The following ZRANB3 variants were observed in gnomAD, a reference collection of about 807,000 sequenced individuals.
ZRANB3 encodes the protein zinc finger RANBP2-type containing 3.
In ZRANB3, 125 loss-of-function variants were observed where a neutral mutation model predicts 133.8. That is an observed-to-expected ratio of 0.93 (90% CI 0.81 to 1.08). The LOEUF (loss-of-function observed/expected upper bound fraction) is 1.08. Among genes scored for constraint, ZRANB3 ranks in the 50% least tolerant of loss-of-function variants. The pLI, the probability that ZRANB3 is intolerant of heterozygous loss-of-function variation, is 0.00. For missense variants in ZRANB3, 1,229 were observed against 1,275.5 expected (o/e 0.96, Z 0.56); for synonymous variants, 387 against 432.7 (o/e 0.89, Z 1.31).
chr2:135,200,764 T>G (rs1362845891), intron 20 of ZRANB3, among the ~76,000 whole-genome samples: 8 of 151,406 alleles, frequency 5.3e-5, no homozygotes, highest in Admixed American at 5.3e-4. Flanking sequence ...TTTTTTTTTT[T>G]TTTTTTTTTG....
intron 17 of ZRANB3, among the ~76,000 whole-genome samples, chr2:135,210,053 C>G (rs755014887): frequency 1.8e-4 from 28 of 152,038 alleles, no homozygotes; most frequent in Non-Finnish European, 3.4e-4. Flanking sequence ...TTCCCCTCCC[C>G]AAAAGTTACC....
At chr2:135,328,981 T>A (rs1239422040) in intron 6 of ZRANB3, among the ~76,000 whole-genome samples, 1 of 152,226 alleles carries the variant, frequency 6.6e-6, no homozygotes, top group East Asian at 1.9e-4. Context: ...ATGGGTAAAT[T>A]GCAAAAATTT....
At chr2:135,350,358 C>T in intron 4 of ZRANB3, 143 bp from the exon 5 acceptor site, 1 of 593,352 alleles carries the variant, frequency 1.7e-6, no homozygotes, top group Non-Finnish European at 2.7e-6. Flanking sequence ...TACTGAAACT[C>T]TGAAGATTTC....
At chr2:135,347,679 T>C (rs1685005455) in intron 5 of ZRANB3, among the ~76,000 whole-genome samples, 1 of 152,202 alleles carries the variant, frequency 6.6e-6, no homozygotes. Context: ...GTGACTTCAG[T>C]GCTTTATATC....
chr2:135,428,732 G>A (rs190431032), intron 2 of ZRANB3, among the ~76,000 whole-genome samples: 11 of 152,250 alleles, frequency 7.2e-5, no homozygotes, highest in African/African-American at 2.4e-4. Context: ...CAAAGGCCAC[G>A]AACAGACACT....
intron 3 of ZRANB3, among the ~76,000 whole-genome samples, chr2:135,386,670 G>A (rs1367925939): frequency 1.3e-5 from 2 of 152,148 alleles, no homozygotes; most frequent in Non-Finnish European, 2.9e-5. Context: ...CCATAAAAAA[G>A]GATAAGTTCG....
chr2:135,217,535 GCTGT>G lies in ZRANB3; in HGVS notation c.2421_2424del (p.Gln808TyrfsTer26). Reference sequence around the variant, plus strand: ...AAAGCAAGAATTGGGCTACAGAATAGCTGTCCACTTTTCCTGATTATCCTTTGCT... The same window carrying G: ...AAAGCAAGAATTGGGCTACAGAATAGCCACTTTTCCTGATTATCCTTTGCT... On this transcript the variant is annotated frameshift_variant, in exon 17 of 21. Coordinates refer to ENST00000264159, the MANE Select transcript of ZRANB3 (RefSeq NM_032143.4). LOFTEE classifies it high-confidence loss of function. 2.5e-6 allele frequency: 4 copies of G among 1,613,734 alleles called. No homozygotes were observed. The highest frequency in any genetic ancestry group is 3.4e-6 in the Non-Finnish European group (4 of 1,179,814).
intron 2 of ZRANB3, among the ~76,000 whole-genome samples, chr2:135,406,656 G>C (rs568982722): frequency 1.3e-5 from 2 of 152,288 alleles, no homozygotes; most frequent in South Asian, 4.1e-4. Context: ...GGGATGCAAG[G>C]TTGGTTCAAC....
intron 2 of ZRANB3, among the ~76,000 whole-genome samples, chr2:135,395,885 C>T (rs1053049133): frequency 9.9e-5 from 15 of 152,098 alleles, no homozygotes; most frequent in African/African-American, 2.9e-4. Flanking sequence ...AGAGACAACC[C>T]ACAGAATGGG....
At chr2:135,510,142 T>C (rs1239408760) in intron 1 of ZRANB3, among the ~76,000 whole-genome samples, 2 of 152,174 alleles carry the variant, frequency 1.3e-5, no homozygotes, top group Non-Finnish European at 2.9e-5. Context: ...TCACAGGCTT[T>C]TGAAACACAC....
chr2:135,401,598 G>C (rs1424040830), intron 2 of ZRANB3, among the ~76,000 whole-genome samples: 1 of 152,198 alleles, frequency 6.6e-6, no homozygotes, highest in Non-Finnish European at 1.5e-5. Context: ...TAACTAGGTG[G>C]TGATTCTGAG....
intron 2 of ZRANB3, among the ~76,000 whole-genome samples, chr2:135,393,240 A>C (rs1485001850): frequency 6.6e-6 from 1 of 152,176 alleles, no homozygotes; most frequent in Non-Finnish European, 1.5e-5. Context: ...AAGAGTAAAA[A>C]ATTTATTACA....
chr2:135,365,628 G>T (rs527419824), intron 3 of ZRANB3, among the ~76,000 whole-genome samples: 1 of 152,280 alleles, frequency 6.6e-6, no homozygotes, highest in Non-Finnish European at 1.5e-5. Context: ...AAACAAAAGG[G>T]TGTTTCAAAA....
intron 2 of ZRANB3, among the ~76,000 whole-genome samples, chr2:135,481,651 TG>T (rs1445803959): frequency 6.7e-6 from 1 of 150,320 alleles, no homozygotes. Context: ...TGGCTTTTGT[TG>T]CCATTGCTTT....
At chr2:135,322,622 AGAG>A (rs1683586150) in intron 6 of ZRANB3, among the ~76,000 whole-genome samples, 1 of 151,986 alleles carries the variant, frequency 6.6e-6, no homozygotes, top group South Asian at 2.1e-4. Flanking sequence ...GGAGGCTGAG[AGAG>A]GAGGATTGCT....
rs532812929 is a variant in ZRANB3 at position 135,395,037 on chromosome 2, C to A, written c.162-4217G>T. ...AACTTATATGGGACCACAAAAGACC[C>A]AGAATAGTCAAAGCCATCCTGAGCA... is the stretch of plus-strand genomic sequence containing the variant. On this transcript the variant is annotated intron_variant, in intron 2 of 20. Coordinates refer to ENST00000264159, the MANE Select transcript of ZRANB3 (RefSeq NM_032143.4). Among the ~76,000 whole-genome samples, 7 of 151,570 alleles carry A rather than the reference C, an allele frequency of 4.6e-5. No homozygotes were observed. In the South Asian group the frequency reaches 1.5e-3, roughly 32 times the overall value.
intron 18 of ZRANB3, 36 bp downstream of exon 18, chr2:135,208,832 T>G: frequency 6.6e-7 from 1 of 1,519,306 alleles, no homozygotes. Context: ...GGAGTGGAAT[T>G]AGTACTACTA....
chr2:135,221,619 T>C (rs1381585032), intron 15 of ZRANB3, among the ~76,000 whole-genome samples: 1 of 152,260 alleles, frequency 6.6e-6, no homozygotes, highest in Non-Finnish European at 1.5e-5. Flanking sequence ...CTTTGGTTTC[T>C]CTACCCTCTT....
At chr2:135,498,051 T>C (rs1574207146) in intron 2 of ZRANB3, among the ~76,000 whole-genome samples, 1 of 149,270 alleles carries the variant, frequency 6.7e-6, no homozygotes, top group Non-Finnish European at 1.5e-5. Flanking sequence ...ACTCTGTCTC[T>C]AAAAAATAAT....
Sources: gnomAD v4.1 joint callset for allele counts (sites outside exome capture counted in the v4.1 genomes callset) on GRCh38, gnomAD v4.1.1 for gene constraint, MANE v1.5 for transcripts, NCBI Gene and HGNC (gene_info 2026-07-23, HGNC 2026-07-21) for gene names.